The following EXT1 variants were observed in gnomAD, a reference collection of about 807,000 sequenced individuals.
EXT1 encodes exostosin-1.
EXT1 carries 20 observed loss-of-function variants against 82.5 expected under a neutral mutation model. That is an observed-to-expected ratio of 0.24 (90% confidence interval 0.17 to 0.35). EXT1 has a LOEUF of 0.35. Ranked by LOEUF, EXT1 falls within the 10% of genes least tolerant of loss-of-function variation. The probability of loss-of-function intolerance (pLI) is 1.00; values close to 1 mark genes in which losing one functional copy is unlikely to be tolerated. For missense variants in EXT1, 757 were observed against 936.5 expected, an observed-to-expected ratio of 0.81 and a Z score of 2.50; for synonymous variants, 348 against 350.8, an observed-to-expected ratio of 0.99 and a Z score of 0.09.
At chr8:118,063,376 AG>A (rs1268925772) in intron 1 of EXT1, among the ~76,000 whole-genome samples, 1 of 152,234 alleles carries the variant, frequency 6.6e-6, no homozygotes, top group Non-Finnish European at 1.5e-5. Flanking sequence ...CAAGGCTTGC[AG>A]TGTTCATTGA....
intron 1 of EXT1, among the ~76,000 whole-genome samples, chr8:117,912,559 C>T (rs1266415588): frequency 6.6e-6 from 1 of 152,162 alleles, no homozygotes; most frequent in Non-Finnish European, 1.5e-5. Flanking sequence ...ATGCAGGCTT[C>T]CTAACTTGGG....
intron 1 of EXT1, among the ~76,000 whole-genome samples, chr8:118,036,426 C>T (rs1306242039): frequency 6.6e-6 from 1 of 152,116 alleles, no homozygotes; most frequent in Non-Finnish European, 1.5e-5. Flanking sequence ...CCCCACTGAT[C>T]TCTTGCCTGG....
At chr8:117,998,224 G>T (rs1815588829) in intron 1 of EXT1, among the ~76,000 whole-genome samples, 1 of 151,950 alleles carries the variant, frequency 6.6e-6, no homozygotes, top group Admixed American at 6.6e-5. Context: ...ATGTTGGTCA[G>T]GCTGCTCTTG....
rs760803261 is a variant in EXT1, at chr8:117,830,236, T to C, written c.1278A>G (p.Thr426=). 7.4e-6 allele frequency: 12 copies of C among 1,614,040 alleles called. No homozygotes were observed. The highest frequency in any genetic ancestry group is 1.1e-5 in the South Asian group (1 of 91,086). The stretch of plus-strand genomic sequence containing the variant: ...GCCAAGTGGTCTCACTTACCTCTAG[T>C]GTAGTTAATACAATCTTCTCAACTG... The part of the protein sequence containing the change: ...FSSVEKIVLT[T]LEIIQDRIFK... The change falls in exon 4 of 11, where the codon ACA becomes ACG. Residue 426 remains threonine, a synonymous_variant. Coordinates refer to ENST00000378204, the MANE Select transcript of EXT1 (RefSeq NM_000127.3).
chr8:117,856,422 ATTTTTTT>A (rs951647677), intron 1 of EXT1, among the ~76,000 whole-genome samples: 3 of 83,764 alleles, frequency 3.6e-5, no homozygotes, highest in Admixed American at 1.2e-4. Flanking sequence ...GCCTGGCTAA[ATTTTTTT>A]TTTTTTTTTT....
intron 1 of EXT1, among the ~76,000 whole-genome samples, chr8:117,908,071 T>C (rs1813575278): frequency 1.3e-5 from 2 of 152,266 alleles, no homozygotes; most frequent in African/African-American, 4.8e-5. Flanking sequence ...TGGCTCATTT[T>C]AGCCAAACAT....
At chr8:118,104,609 AAAATGCTTG>A (rs1157024965) in intron 1 of EXT1, among the ~76,000 whole-genome samples, 2 of 152,252 alleles carry the variant, frequency 1.3e-5, no homozygotes, top group African/African-American at 4.8e-5. Context: ...GACTTGGCCT[AAAATGCTTG>A]AAATGCTTGA....
Position 118,069,656 on chromosome 8 carries a change from T to C in EXT1, c.962+40429A>G, listed in dbSNP as rs554853831. The stretch of plus-strand genomic sequence containing the variant: ...GGTATTTGAATGGCAAACTTCATCT[T>C]TGGAAATAACTTCACACCACAGGTT... On this transcript the variant is annotated intron_variant, in intron 1 of 10. Transcript: ENST00000378204. Among the ~76,000 whole-genome samples, 3 of 152,318 alleles carry C rather than the reference T, an allele frequency of 2.0e-5. No individual in the cohort carries two copies. In the South Asian group the frequency reaches 6.2e-4, roughly 32 times the overall value.
intron 1 of EXT1, among the ~76,000 whole-genome samples, chr8:117,899,343 TG>T (rs1365895413): frequency 6.6e-6 from 1 of 152,184 alleles, no homozygotes; most frequent in Non-Finnish European, 1.5e-5. Flanking sequence ...AACAGAAAAG[TG>T]ACCTATTTTA....
At chr8:117,829,023 C>G (rs527385182) in intron 4 of EXT1, among the ~76,000 whole-genome samples, 2 of 152,216 alleles carry the variant, frequency 1.3e-5, no homozygotes, top group South Asian at 4.2e-4. Context: ...AGTGTAGGTT[C>G]CATATTACAT....
chr8:117,970,778 G>A (rs1027964631), intron 1 of EXT1, among the ~76,000 whole-genome samples: 57 of 152,258 alleles, frequency 3.7e-4, no homozygotes, highest in African/African-American at 3.1e-4. Flanking sequence ...TAAATGAACC[G>A]GAATCACACA....
intron 1 of EXT1, among the ~76,000 whole-genome samples, chr8:117,862,226 A>C (rs1458981722): frequency 6.9e-6 from 1 of 145,606 alleles, no homozygotes; most frequent in Non-Finnish European, 1.5e-5. Flanking sequence ...CAGCCACGCA[A>C]TTCAACCAGT....
intron 1 of EXT1, among the ~76,000 whole-genome samples, chr8:118,013,408 C>G (rs992521941): frequency 3.3e-5 from 5 of 152,094 alleles, no homozygotes; most frequent in African/African-American, 7.2e-5. Flanking sequence ...GGGGTTTTAC[C>G]ATGTTGGCCA....
chr8:117,873,525 G>A (rs1302992015), intron 1 of EXT1, among the ~76,000 whole-genome samples: 2 of 143,482 alleles, frequency 1.4e-5, no homozygotes, highest in Admixed American at 7.5e-5. Context: ...ATGTGATCTC[G>A]GCTCACTATA....
In EXT1 at chr8:118,062,064, A is replaced by G. The variant is rs1267323390; in HGVS notation, c.962+48021T>C. 2.0e-5 allele frequency among the ~76,000 whole-genome samples: 3 copies of G among 152,302 alleles called. No homozygotes were observed. In the East Asian group the frequency reaches 5.8e-4, roughly 29 times the overall value. ...AATGGTACAGCTTCATTAAAAAAAA[A>G]CAAGAGACACCAACTGTCAGGTGAC... On this transcript the variant is annotated intron_variant, in intron 1 of 10. Transcript: ENST00000378204.
At chr8:117,956,223 G>A (rs1032852018) in intron 1 of EXT1, among the ~76,000 whole-genome samples, 1 of 151,074 alleles carries the variant, frequency 6.6e-6, no homozygotes. Context: ...GAAACAGGAG[G>A]CCCTTGGCAC....
At chr8:117,802,016 C>T (rs1243211240) in intron 10 of EXT1, among the ~76,000 whole-genome samples, 1 of 152,136 alleles carries the variant, frequency 6.6e-6, no homozygotes, top group Non-Finnish European at 1.5e-5. Flanking sequence ...AGAAAAGATG[C>T]CTTTCTTATG....
At position 117,870,823 on chromosome 8, in the gene EXT1, T is replaced by TCACACACACACACACACACACACACA. The variant is rs59973422; in HGVS notation, c.963-33648_963-33623dup. Among the ~76,000 whole-genome samples the TCACACACACACACACACACACACACA allele has an allele frequency of 7.6e-4, 112 of 146,858 alleles. 2 individuals are homozygous for TCACACACACACACACACACACACACA. In the East Asian group the frequency reaches 0.012, roughly 15 times the overall value. Reference sequence around the variant, plus strand: ...CAGTGGGTATACCATAAATGCTTTGTCACACACACACACACACACACACAC... The same window carrying TCACACACACACACACACACACACACA: ...CAGTGGGTATACCATAAATGCTTTGTCACACACACACACACACACACACACACACACACACACACACACACACACAC... On this transcript the variant is annotated intron_variant, in intron 1 of 10. Coordinates refer to ENST00000378204, the MANE Select transcript of EXT1 (RefSeq NM_000127.3).
chr8:117,849,740 A>T (rs1812423522), intron 1 of EXT1, among the ~76,000 whole-genome samples: 1 of 152,218 alleles, frequency 6.6e-6, no homozygotes, highest in South Asian at 2.1e-4. Flanking sequence ...GCACAAATTA[A>T]TAACTAAAGC....
Sources: allele counts gnomAD v4.1 joint callset (sites outside exome capture counted in the v4.1 genomes callset), GRCh38; gene constraint gnomAD v4.1.1; transcripts MANE v1.5; gene names NCBI Gene and HGNC (gene_info 2026-07-23, HGNC 2026-07-21).